Variants in OGDH observed in about 807,000 individuals in gnomAD.
OGDH encodes 2-oxoglutarate dehydrogenase complex component E1.
In OGDH, 38 loss-of-function variants were observed where a neutral mutation model predicts 116.6. The observed-to-expected ratio is 0.33, with a 90% CI of 0.25 to 0.43. The LOEUF (loss-of-function observed/expected upper bound fraction) is 0.43. Ranked by LOEUF, OGDH falls within the 20% of genes least tolerant of loss-of-function variation. OGDH has a pLI of 1.00. For synonymous variants in OGDH, 488 were observed against 533.3 expected, an observed-to-expected ratio of 0.92 and a Z score of 1.17; for missense variants, 825 against 1,357.2, an observed-to-expected ratio of 0.61 and a Z score of 6.16.
chr7:44,698,257 C>T lies in OGDH; in HGVS notation c.2424C>T (p.Val808=). Residue 808 remains valine (V), a synonymous_variant, in exon 18 of 23, where the codon GTC becomes GTT. Transcript: ENST00000222673. The part of the protein sequence containing the change: ...FLQMCNDDPD[V]LPDLKEANFD... ...AGATGTGCAACGATGACCCAGATGT[C>T]CTGCCAGTGAGTAATACAGGCCCTG... is the stretch of plus-strand genomic sequence containing the variant. 3.1e-6 allele frequency: 5 copies of T among 1,614,032 alleles called. No individual in the cohort carries two copies. The highest frequency in any genetic ancestry group is 3.4e-6 in the Non-Finnish European group (4 of 1,180,006).
chr7:44,640,420 A>G (rs1261723615), intron 2 of OGDH, among the ~76,000 whole-genome samples: 1 of 152,070 alleles, frequency 6.6e-6, no homozygotes, highest in Non-Finnish European at 1.5e-5. Context: ...AGCTATACCT[A>G]TCCCTGCTGC....
At chr7:44,656,694 C>T (rs1219204812) in intron 4 of OGDH, among the ~76,000 whole-genome samples, 2 of 152,188 alleles carry the variant, frequency 1.3e-5, no homozygotes, top group African/African-American at 4.8e-5. Context: ...CACATGAAGC[C>T]ATGTTCAGCT....
intron 8 of OGDH, 118 bp from the exon 9 acceptor site, chr7:44,675,852 G>A (rs1787668276): frequency 9.5e-7 from 1 of 1,053,472 alleles, no homozygotes; most frequent in African/African-American, 1.6e-5. Flanking sequence ...ACTCCAACCT[G>A]GGCAACAAGA....
chr7:44,673,116 G>A (rs1787542200), intron 5 of OGDH, among the ~76,000 whole-genome samples: 1 of 151,988 alleles, frequency 6.6e-6, no homozygotes, highest in Non-Finnish European at 1.5e-5. Context: ...TTGTCTTATG[G>A]GCAATCTTGC....
chr7:44,645,497 G>C lies in OGDH; in HGVS notation c.393G>C (p.Gln131His), dbSNP rs779664331. ...TCGTGGAGGACCACCTGGCAGTGCAGTCGCTCATCAGGGCATATCAGGTAA... is the reference window on the plus strand; with the variant it reads ...TCGTGGAGGACCACCTGGCAGTGCACTCGCTCATCAGGGCATATCAGGTAA... Reference protein sequence around the residue: ...DKLVEDHLAVQSLIRAYQIRG... With the variant: ...DKLVEDHLAVHSLIRAYQIRG... Residue 131 changes from glutamine to histidine, a missense_variant, in exon 3 of 23, where the codon CAG becomes CAC. By Grantham distance (24) the Gln-to-His change is conservative. Transcript: ENST00000222673. 6.2e-7 allele frequency: 1 copy of C among 1,614,216 alleles called. No homozygotes were observed. Among genetic ancestry groups the C allele is most frequent in the South Asian group, 1.1e-5 (1 of 91,090 alleles).
At chr7:44,686,475 G>A (rs1278510093) in intron 10 of OGDH, among the ~76,000 whole-genome samples, 1 of 152,016 alleles carries the variant, frequency 6.6e-6, no homozygotes, top group East Asian at 1.9e-4. Context: ...GTTCATGAGG[G>A]GTATTGATCT....
At chr7:44,690,279 G>A (rs1408269107) in intron 10 of OGDH, among the ~76,000 whole-genome samples, 1 of 152,198 alleles carries the variant, frequency 6.6e-6, no homozygotes, top group Non-Finnish European at 1.5e-5. Context: ...TATTGGCACA[G>A]CTAGTGAACG....
At chr7:44,663,428 T>A (rs774780853) in intron 4 of OGDH, among the ~76,000 whole-genome samples, 5 of 152,162 alleles carry the variant, frequency 3.3e-5, no homozygotes, top group Admixed American at 1.3e-4. Flanking sequence ...AGCTCAGGAG[T>A]TCGAGACCAG....
chr7:44,654,127 T>G (rs1786580494), intron 4 of OGDH, among the ~76,000 whole-genome samples: 1 of 152,248 alleles, frequency 6.6e-6, no homozygotes, highest in African/African-American at 2.4e-5. Context: ...AGTGCTGGGA[T>G]TATAGGCATG....
At chr7:44,700,293 T>C (rs1433626731) in intron 19 of OGDH, 24 bp downstream of exon 19, 15 of 1,613,278 alleles carry the variant, frequency 9.3e-6, no homozygotes, top group African/African-American at 1.3e-5. Context: ...CCTCCCTTGC[T>C]CAAACGAGGC....
At chr7:44,695,592 A>T (rs1788546636) in intron 12 of OGDH, among the ~76,000 whole-genome samples, 1 of 151,814 alleles carries the variant, frequency 6.6e-6, no homozygotes, top group Non-Finnish European at 1.5e-5. Flanking sequence ...AGTCCCAGCT[A>T]CTCAGGTGGC....
intron 3 of OGDH, 179 bp from the exon 4 acceptor site, chr7:44,647,478 T>C: frequency 6.5e-7 from 1 of 1,538,842 alleles, no homozygotes; most frequent in Non-Finnish European, 8.7e-7. Context: ...CTTGATCCTC[T>C]CGGAATTAGT....
At chr7:44,671,548 G>A (rs2116115017) in intron 5 of OGDH, among the ~76,000 whole-genome samples, 1 of 151,864 alleles carries the variant, frequency 6.6e-6, no homozygotes, top group Middle Eastern at 3.4e-3. Context: ...CGGATCACGA[G>A]GTCAGGAGAT....
chr7:44,635,392 T>G (rs549497977), intron 2 of OGDH, among the ~76,000 whole-genome samples: 34 of 152,306 alleles, frequency 2.2e-4, no homozygotes, highest in African/African-American at 7.9e-4. Flanking sequence ...CGAGGGCCTT[T>G]GAGCATGGGT....
chr7:44,692,671 C>T (rs1788413621), intron 10 of OGDH, among the ~76,000 whole-genome samples: 1 of 152,150 alleles, frequency 6.6e-6, no homozygotes, highest in Non-Finnish European at 1.5e-5. Flanking sequence ...TAAATGCAAA[C>T]CATAAAATTA....
At chr7:44,672,833 G>A (rs1219211528) in intron 5 of OGDH, among the ~76,000 whole-genome samples, 2 of 151,924 alleles carry the variant, frequency 1.3e-5, no homozygotes, top group Non-Finnish European at 2.9e-5. Context: ...AGTAGAGACG[G>A]GGTTTCACCA....
At chr7:44,674,027 G>C (rs907595931) in intron 6 of OGDH, 86 bp downstream of exon 6, 1 of 1,515,260 alleles carries the variant, frequency 6.6e-7, no homozygotes, top group Non-Finnish European at 9.0e-7. Flanking sequence ...TGTGCAGCCT[G>C]TTGGCCGAGG....
At chr7:44,695,502 C>G (rs987631940) in intron 12 of OGDH, among the ~76,000 whole-genome samples, 4 of 151,866 alleles carry the variant, frequency 2.6e-5, no homozygotes. Flanking sequence ...GTCAAGAGAT[C>G]GAGACCATCC....
intron 4 of OGDH, among the ~76,000 whole-genome samples, chr7:44,659,715 A>C (rs1786852675): frequency 6.6e-6 from 1 of 152,094 alleles, no homozygotes; most frequent in South Asian, 2.1e-4. Flanking sequence ...CATTTTTTAA[A>C]TTTCTTTTTC....
Sources: gnomAD v4.1 joint callset for allele counts (sites outside exome capture counted in the v4.1 genomes callset) on GRCh38, gnomAD v4.1.1 for gene constraint, MANE v1.5 for transcripts, NCBI Gene and HGNC (gene_info 2026-07-23, HGNC 2026-07-21) for gene names.